The following CFAP299 variants were observed in gnomAD, a reference collection of about 807,000 sequenced individuals.
The protein encoded by CFAP299 is cilia and flagella associated protein 299.
Under a neutral mutation model 27.0 loss-of-function variants are expected in CFAP299, and 21 were observed. The ratio of observed to expected loss-of-function variants is 0.78; its 90% CI spans 0.55 to 1.12. The LOEUF (loss-of-function observed/expected upper bound fraction) is 1.12. Ranked by LOEUF, CFAP299 falls within the 50% of genes most tolerant of loss-of-function variation. The probability of loss-of-function intolerance (pLI) is 0.00; values close to 1 mark genes in which losing one functional copy is unlikely to be tolerated. For synonymous variants in CFAP299, 104 were observed against 98.1 expected (o/e 1.06, Z -0.36); for missense variants, 310 against 276.6 (o/e 1.12, Z -0.86).
intron 3 of CFAP299, among the ~76,000 whole-genome samples, chr4:80,758,055 GC>G (rs2110075901): frequency 6.6e-6 from 1 of 152,308 alleles, no homozygotes; most frequent in East Asian, 1.9e-4. Flanking sequence ...AAGGTTCAGT[GC>G]CCCTTTAGTG....
chr4:80,516,858 G>T (rs1174937758), intron 2 of CFAP299, among the ~76,000 whole-genome samples: 1 of 152,134 alleles, frequency 6.6e-6, no homozygotes. Context: ...TTCCTTAAGT[G>T]TAGGCTACTT....
intron 3 of CFAP299, among the ~76,000 whole-genome samples, chr4:80,603,111 A>C (rs1737449543): frequency 6.6e-6 from 1 of 152,186 alleles, no homozygotes; most frequent in Non-Finnish European, 1.5e-5. Context: ...AAAGCAAGGA[A>C]TTATGGATTT....
chr4:80,428,022 T>C (rs1281590394), intron 2 of CFAP299, among the ~76,000 whole-genome samples: 1 of 152,212 alleles, frequency 6.6e-6, no homozygotes, highest in Non-Finnish European at 1.5e-5. Flanking sequence ...TCAACCTTTT[T>C]ATTTCTCAGG....
chr4:80,767,585 G>A (rs1231074550), intron 3 of CFAP299, among the ~76,000 whole-genome samples: 2 of 151,994 alleles, frequency 1.3e-5, no homozygotes, highest in African/African-American at 2.4e-5. Flanking sequence ...CTCCAGCGTC[G>A]GCAACAGAGC....
intron 2 of CFAP299, among the ~76,000 whole-genome samples, chr4:80,412,799 T>G (rs1425131752): frequency 6.6e-6 from 1 of 152,204 alleles, no homozygotes; most frequent in Non-Finnish European, 1.5e-5. Context: ...TGTCTATTCA[T>G]TTTTTCACCA....
At chr4:80,859,697 C>T (rs11941452) in intron 3 of CFAP299, among the ~76,000 whole-genome samples, 22,089 of 151,992 alleles carry the variant, frequency 0.15, 1,960 homozygotes, top group Middle Eastern at 0.26. Context: ...ATGAAATTCT[C>T]GGTTGAAAAT....
At chr4:80,398,837 A>G (rs546157062) in intron 2 of CFAP299, among the ~76,000 whole-genome samples, 8 of 152,350 alleles carry the variant, frequency 5.3e-5, no homozygotes. Flanking sequence ...AAAATTGACA[A>G]ATGGGATCTA....
chr4:80,849,178 T>A (rs931600993), intron 3 of CFAP299, among the ~76,000 whole-genome samples: 2 of 152,130 alleles, frequency 1.3e-5, no homozygotes, highest in Non-Finnish European at 1.5e-5. Flanking sequence ...TTTAAAATTT[T>A]TTATTATTTT....
intron 5 of CFAP299, among the ~76,000 whole-genome samples, chr4:80,962,546 A>G (rs1175754010): frequency 6.6e-6 from 1 of 151,874 alleles, no homozygotes; most frequent in Non-Finnish European, 1.5e-5. Flanking sequence ...CTTAAAGTAT[A>G]ATAATAATAA....
intron 2 of CFAP299, among the ~76,000 whole-genome samples, chr4:80,581,380 C>A (rs985834387): frequency 6.2e-5 from 9 of 146,146 alleles, no homozygotes; most frequent in African/African-American, 2.3e-4. Context: ...TCCTTTGGTA[C>A]TAATTAGTAG....
intron 5 of CFAP299, among the ~76,000 whole-genome samples, chr4:80,947,882 C>A (rs1467288122): frequency 6.6e-6 from 1 of 151,970 alleles, no homozygotes; most frequent in African/African-American, 2.4e-5. Flanking sequence ...AAGGAAGAAC[C>A]AAGAAATAAG....
intron 2 of CFAP299, among the ~76,000 whole-genome samples, chr4:80,407,306 A>T (rs1398986962): frequency 6.6e-6 from 1 of 152,062 alleles, no homozygotes; most frequent in Non-Finnish European, 1.5e-5. Context: ...TAAAACAACC[A>T]CCATTTATTC....
At chr4:80,391,333 C>T (rs1028519261) in intron 2 of CFAP299, among the ~76,000 whole-genome samples, 6 of 152,172 alleles carry the variant, frequency 3.9e-5, no homozygotes, top group South Asian at 2.1e-4. Context: ...GTATTCCTAC[C>T]AATAGTATGC....
chr4:80,892,843 C>T (rs1214940683), intron 4 of CFAP299, among the ~76,000 whole-genome samples: 3 of 152,032 alleles, frequency 2.0e-5, no homozygotes, highest in African/African-American at 7.2e-5. Flanking sequence ...ACTCACAGCG[C>T]TTCTACTCAA....
At chr4:80,814,497 A>G (rs1366333143) in intron 3 of CFAP299, among the ~76,000 whole-genome samples, 2 of 151,960 alleles carry the variant, frequency 1.3e-5, no homozygotes, top group East Asian at 1.9e-4. Context: ...CACACATTCC[A>G]TAGAAAAATA....
chr4:80,690,369 A>G (rs1720581026), intron 3 of CFAP299, among the ~76,000 whole-genome samples: 1 of 152,246 alleles, frequency 6.6e-6, no homozygotes, highest in Non-Finnish European at 1.5e-5. Context: ...AAATCAAACT[A>G]GAACTCAGGA....
At chr4:80,683,848 T>C (rs1388913401) in intron 3 of CFAP299, among the ~76,000 whole-genome samples, 1 of 152,226 alleles carries the variant, frequency 6.6e-6, no homozygotes, top group East Asian at 1.9e-4. Context: ...GCCTAAAAAA[T>C]ATTTGTTTAA....
At chr4:80,685,420 T>A (rs984411136) in intron 3 of CFAP299, among the ~76,000 whole-genome samples, 1 of 152,050 alleles carries the variant, frequency 6.6e-6, no homozygotes, top group African/African-American at 2.4e-5. Flanking sequence ...CCAATTGCAC[T>A]GAAGTGTTAC....
chr4:80,845,236 C>T (rs192699118), intron 3 of CFAP299, among the ~76,000 whole-genome samples: 3 of 150,130 alleles, frequency 2.0e-5, no homozygotes, highest in Non-Finnish European at 3.0e-5. Context: ...TTGGTTTTAT[C>T]ATGCATCCTC....
Sources: gnomAD v4.1 joint callset for allele counts (sites outside exome capture counted in the v4.1 genomes callset) on GRCh38, gnomAD v4.1.1 for gene constraint, MANE v1.5 for transcripts, NCBI Gene and HGNC (gene_info 2026-07-23, HGNC 2026-07-21) for gene names.